Variants in USH2A observed in about 807,000 individuals in gnomAD.
USH2A encodes Usher syndrome 2A (autosomal recessive, mild).
Under a neutral mutation model 538.9 loss-of-function variants are expected in USH2A, and 443 were observed. That is an observed-to-expected ratio of 0.82 (90% CI 0.76 to 0.89). The LOEUF (loss-of-function observed/expected upper bound fraction) is 0.89, where lower values mean the gene tolerates loss of function less well. Ranked by LOEUF, USH2A falls within the 40% of genes least tolerant of loss-of-function variation. The pLI, the probability that USH2A is intolerant of heterozygous loss-of-function variation, is 0.00. For synonymous variants in USH2A, 2,413 were observed against 2,273.5 expected, an observed-to-expected ratio of 1.06 and a Z score of -1.75; for missense variants, 6,633 against 6,324.8, an observed-to-expected ratio of 1.05 and a Z score of -1.65.
chr1:216,074,466 T>A (rs971351274), intron 27 of USH2A, among the ~76,000 whole-genome samples: 1 of 152,030 alleles, frequency 6.6e-6, no homozygotes, highest in Non-Finnish European at 1.5e-5. Context: ...AACAGTAAAA[T>A]AAGTTAATAG....
intron 3 of USH2A, among the ~76,000 whole-genome samples, chr1:216,390,791 C>T (rs1056506162): frequency 1.3e-5 from 2 of 152,162 alleles, no homozygotes; most frequent in East Asian, 1.9e-4. Context: ...GCTCCCACCA[C>T]TTGGGCATTT....
intron 38 of USH2A, among the ~76,000 whole-genome samples, chr1:215,923,658 A>T (rs1411264047): frequency 6.6e-6 from 1 of 152,084 alleles, no homozygotes; most frequent in Non-Finnish European, 1.5e-5. Flanking sequence ...CAGGGTGCTG[A>T]GAGGGAAATT....
At chr1:216,319,818 C>T (rs915300772) in intron 9 of USH2A, among the ~76,000 whole-genome samples, 5 of 152,106 alleles carry the variant, frequency 3.3e-5, no homozygotes, top group East Asian at 1.9e-4. Flanking sequence ...AATCAGAAGA[C>T]AGAAATGGAA....
At chr1:216,300,137 G>A (rs1433381033) in intron 9 of USH2A, among the ~76,000 whole-genome samples, 1 of 152,126 alleles carries the variant, frequency 6.6e-6, no homozygotes, top group Non-Finnish European at 1.5e-5. Flanking sequence ...ATAATAATTG[G>A]TAAGTGCATT....
chr1:216,353,557 C>CTCA (rs1444549492), intron 4 of USH2A, among the ~76,000 whole-genome samples: 1 of 152,010 alleles, frequency 6.6e-6, no homozygotes. Flanking sequence ...GTAATTAAAA[C>CTCA]GTCGATGCCT....
Position 215,959,346 on chromosome 1 carries a change from T to G in USH2A, c.7120+5971A>C, listed in dbSNP as rs536850433. On this transcript the variant is annotated intron_variant, in intron 37 of 71. Coordinates refer to ENST00000307340, the MANE Select transcript of USH2A (RefSeq NM_206933.4). ...TTATAAGCAAATAAAAAGCATCTGA[T>G]TATGCTCATTTCATGAGCATTTAAC... is the stretch of plus-strand genomic sequence containing the variant. 2.5e-3 allele frequency among the ~76,000 whole-genome samples: 382 copies of G among 152,248 alleles called. 3 individuals carry two copies. The highest frequency in any genetic ancestry group is 8.9e-3 in the African/African-American group (369 of 41,552).
At position 215,759,637 on chromosome 1, in the gene USH2A, G is replaced by A. The variant is rs1248042886; in HGVS notation, c.11231+23C>T. On this transcript the variant is annotated intron_variant, in intron 57 of 71. Coordinates refer to ENST00000307340, the MANE Select transcript of USH2A (RefSeq NM_206933.4). ...AATGTACAAATCCTGCTGTATGATTGGTAAAGTTTTCTTTTAGTTTACCTG... is the reference window on the plus strand; with the variant it reads ...AATGTACAAATCCTGCTGTATGATTAGTAAAGTTTTCTTTTAGTTTACCTG... The A allele has an allele frequency of 5.0e-6, 8 of 1,613,034 alleles. No individual in the cohort carries two copies. The East Asian group carries it at 1.6e-4, about 31-fold the overall frequency.
intron 61 of USH2A, among the ~76,000 whole-genome samples, chr1:215,682,722 A>T (rs1658278310): frequency 6.7e-6 from 1 of 149,420 alleles, no homozygotes; most frequent in East Asian, 2.0e-4. Flanking sequence ...TCATTACAAC[A>T]GTTGTTTTGC....
chr1:215,745,444 T>C (rs1035127161), intron 58 of USH2A, among the ~76,000 whole-genome samples: 6 of 152,178 alleles, frequency 3.9e-5, no homozygotes, highest in Non-Finnish European at 8.8e-5. Flanking sequence ...TGCATCCCTG[T>C]GTTATGCCAG....
At chr1:215,965,593 T>C in intron 36 of USH2A, 114 bp from the exon 37 acceptor site, 1 of 1,227,436 alleles carries the variant, frequency 8.1e-7, no homozygotes, top group African/African-American at 1.5e-5. Flanking sequence ...ATTTTGACAG[T>C]AGCATCTTGT....
At chr1:216,211,170 T>C (rs551155757) in intron 15 of USH2A, among the ~76,000 whole-genome samples, 1 of 152,240 alleles carries the variant, frequency 6.6e-6, no homozygotes, top group East Asian at 1.9e-4. Flanking sequence ...TCCTGTATCA[T>C]AAATCAGTAA....
intron 49 of USH2A, among the ~76,000 whole-genome samples, chr1:215,802,630 G>A (rs918544088): frequency 6.6e-6 from 1 of 152,040 alleles, no homozygotes; most frequent in African/African-American, 2.4e-5. Context: ...AGAATATGGA[G>A]AAATTGGCAC....
At chr1:215,852,093 A>G (rs1373945634) in intron 44 of USH2A, among the ~76,000 whole-genome samples, 2 of 152,214 alleles carry the variant, frequency 1.3e-5, no homozygotes, top group African/African-American at 4.8e-5. Flanking sequence ...TGAATGGGGA[A>G]AAGTGGAAAG....
chr1:216,122,900 T>C (rs2033165773), intron 21 of USH2A, among the ~76,000 whole-genome samples: 2 of 152,226 alleles, frequency 1.3e-5, no homozygotes, highest in Admixed American at 6.5e-5. Context: ...TCAGATGTAC[T>C]AGTGTAGTAT....
At chr1:216,330,767 A>C (rs1343441721) in intron 4 of USH2A, among the ~76,000 whole-genome samples, 1 of 152,072 alleles carries the variant, frequency 6.6e-6, no homozygotes, top group Non-Finnish European at 1.5e-5. Flanking sequence ...AAAAGTTCTG[A>C]GACTAGAATA....
chr1:216,177,658 G>A (rs566473786), intron 20 of USH2A, among the ~76,000 whole-genome samples: 1 of 152,288 alleles, frequency 6.6e-6, no homozygotes, highest in East Asian at 1.9e-4. Flanking sequence ...CTTTCAGGTG[G>A]TGGGACACTG....
At chr1:215,991,482 G>C (rs947938338) in intron 35 of USH2A, among the ~76,000 whole-genome samples, 1 of 151,832 alleles carries the variant, frequency 6.6e-6, no homozygotes, top group East Asian at 1.9e-4. Flanking sequence ...AAAAAAAGTC[G>C]TTTTAAAAAA....
intron 37 of USH2A, among the ~76,000 whole-genome samples, chr1:215,953,234 C>CA (rs1347650370): frequency 4.6e-5 from 7 of 151,824 alleles, no homozygotes. Flanking sequence ...CATATGGAAC[C>CA]AAAAAAAGAG....
At chr1:215,877,996 A>T in intron 42 of USH2A, 116 bp from the exon 43 acceptor site, 1 of 1,434,968 alleles carries the variant, frequency 7.0e-7, no homozygotes, top group Non-Finnish European at 9.7e-7. Flanking sequence ...CATAAAGAAT[A>T]ACATCTTAAG....
Sources: gnomAD v4.1 joint callset for allele counts (sites outside exome capture counted in the v4.1 genomes callset) on GRCh38, gnomAD v4.1.1 for gene constraint, MANE v1.5 for transcripts, NCBI Gene and HGNC (gene_info 2026-07-23, HGNC 2026-07-21) for gene names.